The following TTC23 variants were observed in gnomAD, a reference collection of about 807,000 sequenced individuals.
TTC23 encodes tetratricopeptide repeat domain 23, also known as tetratricopeptide repeat protein 23.
In TTC23, 58 loss-of-function variants were observed where a neutral mutation model predicts 55.1. The ratio of observed to expected loss-of-function variants is 1.05; its 90% CI spans 0.85 to 1.31. TTC23 has a LOEUF of 1.31. Ranked by LOEUF, TTC23 falls within the 50% of genes most tolerant of loss-of-function variation. The probability of loss-of-function intolerance (pLI) is 0.00; values close to 1 mark genes in which losing one functional copy is unlikely to be tolerated. For missense variants in TTC23, 516 were observed against 534.4 expected (o/e 0.97, Z 0.34); for synonymous variants, 203 against 199.9 (o/e 1.02, Z -0.13).
intron 9 of TTC23, among the ~76,000 whole-genome samples, chr15:99,181,466 T>G (rs2074110197): frequency 6.6e-6 from 1 of 152,206 alleles, no homozygotes; most frequent in Non-Finnish European, 1.5e-5. Flanking sequence ...TCTACGACTC[T>G]GCTTTGTTTC....
intron 8 of TTC23, among the ~76,000 whole-genome samples, chr15:99,208,901 G>A (rs1000757935): frequency 5.9e-5 from 9 of 151,854 alleles, no homozygotes; most frequent in African/African-American, 2.2e-4. Context: ...TCCATTTCTG[G>A]CTACCTGCCA....
rs181582079 is a variant in TTC23 at position 99,162,827 on chromosome 15, C to T, written c.866-960G>A. Among the ~76,000 whole-genome samples, 37 of 152,174 alleles carry T rather than the reference C, an allele frequency of 2.4e-4. No individual in the cohort carries two copies. The East Asian group carries it at 2.9e-3, about 12-fold the overall frequency. ...GGGGGTGGTGGCTCACACTTGTAAT[C>T]CCAGCACTTTGGGAGGCCAAGGTGG... On this transcript the variant is annotated intron_variant, in intron 10 of 13. Coordinates refer to ENST00000394132, the MANE Select transcript of TTC23 (RefSeq NM_001288615.3).
chr15:99,170,300 G>A (rs535921858), intron 10 of TTC23, among the ~76,000 whole-genome samples: 5 of 152,288 alleles, frequency 3.3e-5, no homozygotes, highest in South Asian at 2.1e-4. Flanking sequence ...GGCCAGTGGC[G>A]TTTTGTTAGA....
rs2078663449 is a variant in TTC23, at chr15:99,228,590, A to G, written c.123T>C (p.Pro41=). The change falls in exon 5 of 14, where the codon CCT becomes CCC. Residue 41 remains proline (P), a synonymous_variant. Coordinates refer to ENST00000394132, the MANE Select transcript of TTC23 (RefSeq NM_001288615.3). ...CTTCACAGAGGTGGAGTTTCTCTCG[A>G]GGAGGCTGGAATAGTGCTGTCTGAA... ...KLLQTALFQP[P]REKLHLCEEK... 1 of 1,613,954 alleles carries G rather than the reference A, an allele frequency of 6.2e-7. No homozygotes were observed. The highest frequency in any genetic ancestry group is 2.2e-5 in the East Asian group (1 of 44,868).
At chr15:99,222,619 A>G (rs1178880802) in intron 5 of TTC23, among the ~76,000 whole-genome samples, 2 of 152,248 alleles carry the variant, frequency 1.3e-5, no homozygotes, top group Admixed American at 6.5e-5. Flanking sequence ...ATTCAGGGAT[A>G]GGACAAAAAG....
chr15:99,226,359 A>T (rs2078414262), intron 5 of TTC23, among the ~76,000 whole-genome samples: 1 of 152,230 alleles, frequency 6.6e-6, no homozygotes, highest in Non-Finnish European at 1.5e-5. Flanking sequence ...AAGGGCCATA[A>T]TATCTATAAC....
chr15:99,156,160 C>T lies in TTC23; in HGVS notation c.1131G>A (p.Lys377=), dbSNP rs930691377. The T allele has an allele frequency of 6.2e-7, 1 of 1,614,080 alleles. No homozygotes were observed. Among genetic ancestry groups the T allele is most frequent in the Admixed American group, 1.7e-5 (1 of 60,008 alleles). Residue 377 remains lysine (K), a synonymous_variant, in exon 12 of 14, where the codon AAG becomes AAA. Coordinates refer to ENST00000394132, the MANE Select transcript of TTC23 (RefSeq NM_001288615.3). ...GTTCCAGCTTTACCTTCTTCAGTTT[C>T]TTGCGGGCCCCACTGTGGTTCCCCT... ...LAQGNHSGAR[K]KLKKCLQIQT... is the part of the protein sequence containing the mutation.
chr15:99,145,617 C>T (rs2068757286), intron 12 of TTC23, among the ~76,000 whole-genome samples: 1 of 151,918 alleles, frequency 6.6e-6, no homozygotes, highest in African/African-American at 2.4e-5. Context: ...AGAAGGAATT[C>T]CGAGTGTTTG....
chr15:99,233,647 T>C (rs1012056591), intron 4 of TTC23, among the ~76,000 whole-genome samples: 1 of 152,178 alleles, frequency 6.6e-6, no homozygotes, highest in Non-Finnish European at 1.5e-5. Flanking sequence ...GACTTAACAG[T>C]GAAAGACTGA....
In TTC23 at chr15:99,189,762, A is replaced by G. The variant is rs560489603; in HGVS notation, c.759+10157T>C. Reference sequence around the variant, plus strand: ...AAACTATTCTAGATTAAAGAAGAGAAGAGCCATGACAACTAAATGTAATAC... The same window carrying G: ...AAACTATTCTAGATTAAAGAAGAGAGGAGCCATGACAACTAAATGTAATAC... On this transcript the variant is annotated intron_variant, in intron 9 of 13. Transcript: ENST00000394132. Among the ~76,000 whole-genome samples the G allele has an allele frequency of 2.0e-5, 3 of 152,372 alleles. No individual in the cohort carries two copies. The South Asian group carries it at 6.2e-4, about 32-fold the overall frequency.
chr15:99,219,195 G>A (rs906076822), intron 6 of TTC23, 147 bp from the exon 7 acceptor site: 4 of 855,972 alleles, frequency 4.7e-6, no homozygotes, highest in Admixed American at 2.6e-5. Context: ...ATGAAACACT[G>A]CCATGACTGT....
intron 9 of TTC23, among the ~76,000 whole-genome samples, chr15:99,197,454 GA>G (rs573870774): frequency 1.5e-3 from 227 of 151,820 alleles, no homozygotes; most frequent in Middle Eastern, 3.4e-3. Context: ...AGTCATCAAT[GA>G]AAGAAAAAGA....
chr15:99,147,372 C>T (rs1226042288), intron 12 of TTC23, among the ~76,000 whole-genome samples: 1 of 151,860 alleles, frequency 6.6e-6, no homozygotes, highest in East Asian at 1.9e-4. Flanking sequence ...ACTACAGGCG[C>T]CCGCCACCAC....
At chr15:99,205,652 G>T (rs2076569597) in intron 8 of TTC23, among the ~76,000 whole-genome samples, 2 of 149,776 alleles carry the variant, frequency 1.3e-5, no homozygotes, top group Admixed American at 6.7e-5. Context: ...TTTGTATGTT[G>T]ATTTTGTATC....
At chr15:99,194,552 C>CAAAAAAA (rs760038465) in intron 9 of TTC23, among the ~76,000 whole-genome samples, 3 of 40,452 alleles carry the variant, frequency 7.4e-5, no homozygotes, top group Non-Finnish European at 1.5e-4. Context: ...ACATCACGTG[C>CAAAAAAA]AAAAAAAAAA....
At chr15:99,168,358 C>G (rs796576842) in intron 10 of TTC23, among the ~76,000 whole-genome samples, 4 of 152,320 alleles carry the variant, frequency 2.6e-5, no homozygotes, top group African/African-American at 9.6e-5. Flanking sequence ...AGTGTCCTCA[C>G]CACCAGGAAA....
At chr15:99,236,552 A>T (rs1020979756) in intron 3 of TTC23, among the ~76,000 whole-genome samples, 2 of 151,478 alleles carry the variant, frequency 1.3e-5, no homozygotes, top group African/African-American at 4.9e-5. Context: ...TGCAGCCTAC[A>T]ACTCTTGGGC....
In TTC23 at chr15:99,200,832, A is replaced by G. The variant is rs570548287; in HGVS notation, c.582-736T>C. Among the ~76,000 whole-genome samples, 10 of 152,350 alleles carry G rather than the reference A, an allele frequency of 6.6e-5. No homozygotes were observed. The East Asian group carries it at 1.3e-3, about 21-fold the overall frequency. On this transcript the variant is annotated intron_variant, in intron 8 of 13. Transcript: ENST00000394132. Reference sequence around the variant, plus strand: ...AGTCCAAAGCACTTAAAATGCACCAACAGGAGACTGTGCAAGCAGGTTACA... The same window carrying G: ...AGTCCAAAGCACTTAAAATGCACCAGCAGGAGACTGTGCAAGCAGGTTACA...
intron 13 of TTC23, among the ~76,000 whole-genome samples, chr15:99,138,850 C>T (rs1302556868): frequency 5.3e-5 from 8 of 152,226 alleles, no homozygotes; most frequent in African/African-American, 1.4e-4. Flanking sequence ...CTGCTCTCTG[C>T]GGACCAGGCT....
Sources: allele counts gnomAD v4.1 joint callset (sites outside exome capture counted in the v4.1 genomes callset), GRCh38; gene constraint gnomAD v4.1.1; transcripts MANE v1.5; gene names NCBI Gene and HGNC (gene_info 2026-07-23, HGNC 2026-07-21).